The following PRELID2 variants were observed in gnomAD, a reference collection of about 807,000 sequenced individuals.
The protein encoded by PRELID2 is PRELI domain-containing protein 2.
In PRELID2, 25 loss-of-function variants were observed where a neutral mutation model predicts 28.4. The ratio of observed to expected loss-of-function variants is 0.88; its 90% CI spans 0.64 to 1.23. PRELID2 has a LOEUF of 1.23. Ranked by LOEUF, PRELID2 falls within the 50% of genes most tolerant of loss-of-function variation. The pLI, the probability that PRELID2 is intolerant of heterozygous loss-of-function variation, is 0.00. For missense variants in PRELID2, 201 were observed against 214.4 expected, an observed-to-expected ratio of 0.94 and a Z score of 0.39; for synonymous variants, 76 against 71.6, an observed-to-expected ratio of 1.06 and a Z score of -0.31.
chr5:145,494,510 A>G (rs1752292613), intron 1 of PRELID2, among the ~76,000 whole-genome samples: 1 of 152,330 alleles, frequency 6.6e-6, no homozygotes, highest in East Asian at 1.9e-4. Flanking sequence ...ATAGATGCAA[A>G]TCTTGACAAG....
At chr5:145,673,545 C>T (rs1191441593) in intron 1 of PRELID2, among the ~76,000 whole-genome samples, 1 of 151,984 alleles carries the variant, frequency 6.6e-6, no homozygotes, top group Non-Finnish European at 1.5e-5. Context: ...TATTGATGTA[C>T]ACACACCCCA....
At chr5:145,700,391 C>G (rs527708400) in intron 1 of PRELID2, among the ~76,000 whole-genome samples, 2 of 152,172 alleles carry the variant, frequency 1.3e-5, no homozygotes, top group Admixed American at 6.5e-5. Flanking sequence ...CTTTCCCCCC[C>G]ACCACTCTCA....
At chr5:145,556,491 A>G (rs1314025092) in intron 1 of PRELID2, among the ~76,000 whole-genome samples, 1 of 152,144 alleles carries the variant, frequency 6.6e-6, no homozygotes, top group Non-Finnish European at 1.5e-5. Context: ...ATTATCTGTT[A>G]TCCTAGATTA....
intron 1 of PRELID2, among the ~76,000 whole-genome samples, chr5:145,658,728 T>C (rs1754437501): frequency 1.3e-5 from 2 of 152,204 alleles, no homozygotes; most frequent in Admixed American, 6.5e-5. Context: ...TCCTGTACAG[T>C]CTGCAGAACC....
chr5:145,332,020 C>T, the PRELID2 span, among the ~76,000 whole-genome samples: 2 of 152,162 alleles, frequency 1.3e-5, no homozygotes, highest in Non-Finnish European at 2.9e-5. Context: ...ACTTCTCCTT[C>T]GCTTCTGAAG....
At chr5:145,395,818 T>G in the PRELID2 span, among the ~76,000 whole-genome samples, 89 of 152,226 alleles carry the variant, frequency 5.8e-4, no homozygotes, top group Middle Eastern at 3.4e-3. Context: ...TGGACCCCAG[T>G]TCCAGCTCAG....
At chr5:145,245,863 C>G in the PRELID2 span, among the ~76,000 whole-genome samples, 1 of 152,022 alleles carries the variant, frequency 6.6e-6, no homozygotes, top group Admixed American at 6.6e-5. Flanking sequence ...CTAGACTGTG[C>G]ATGTCAATGT....
chr5:145,457,450 A>G, the PRELID2 span, among the ~76,000 whole-genome samples: 1 of 152,298 alleles, frequency 6.6e-6, no homozygotes, highest in South Asian at 2.1e-4. Flanking sequence ...TTGCATTATA[A>G]TTCATTCCAG....
the PRELID2 span, among the ~76,000 whole-genome samples, chr5:145,261,696 C>A: frequency 6.6e-6 from 1 of 152,136 alleles, no homozygotes; most frequent in Admixed American, 6.5e-5. Flanking sequence ...GAACAGAAGC[C>A]CTTGAGCCCC....
In PRELID2 at chr5:145,759,393, G is replaced by A. The variant is rs767841005; in HGVS notation, c.*1143C>T. On this transcript the variant is annotated 3_prime_UTR_variant, in exon 7 of 7. Transcript: ENST00000683046. ...TATTTATATTTTGGCTTCTGATCAC[G>A]AGAAATGCAAACTACTGCCATCTAA... 10 of 152,082 alleles carry A rather than the reference G, an allele frequency of 6.6e-5. 1 individual carries two copies. Among genetic ancestry groups the A allele is most frequent in the South Asian group, 6.2e-4 (3 of 4,824 alleles). The allele number at this position is 152,082 out of a possible 1,614,324, so 9.4% of individuals were successfully genotyped here.
chr5:145,608,072 A>G (rs1194704388), intron 1 of PRELID2, among the ~76,000 whole-genome samples: 2 of 150,642 alleles, frequency 1.3e-5, no homozygotes, highest in East Asian at 1.9e-4. Context: ...TAAAATAGTA[A>G]ACCCTGCTTT....
the PRELID2 span, among the ~76,000 whole-genome samples, chr5:145,407,651 G>T: frequency 1.3e-5 from 2 of 152,142 alleles, no homozygotes; most frequent in African/African-American, 4.8e-5. Context: ...AACTCCTGTA[G>T]CTGCTGCTCT....
At chr5:145,331,756 T>C in the PRELID2 span, among the ~76,000 whole-genome samples, 1 of 152,186 alleles carries the variant, frequency 6.6e-6, no homozygotes, top group Admixed American at 6.5e-5. Context: ...ATTGGGGCAT[T>C]TAGCCCATTT....
chr5:145,358,419 G>A, the PRELID2 span, among the ~76,000 whole-genome samples: 2 of 152,028 alleles, frequency 1.3e-5, no homozygotes, highest in African/African-American at 4.8e-5. Flanking sequence ...GGTGGCTGGG[G>A]TCACCCGCCC....
At chr5:145,813,068 T>C (rs1466103695) in intron 4 of PRELID2, among the ~76,000 whole-genome samples, 4 of 152,334 alleles carry the variant, frequency 2.6e-5, no homozygotes, top group South Asian at 4.1e-4. Context: ...CATCTCTGAA[T>C]TGAGCCAACA....
At chr5:145,505,523 T>C (rs1461542187) in intron 1 of PRELID2, among the ~76,000 whole-genome samples, 1 of 152,208 alleles carries the variant, frequency 6.6e-6, no homozygotes, top group East Asian at 1.9e-4. Flanking sequence ...TGACAAACTA[T>C]ATTTTATTCT....
chr5:145,410,994 C>T, the PRELID2 span, among the ~76,000 whole-genome samples: 62,337 of 151,494 alleles, frequency 0.41, 13,194 homozygotes, highest in Admixed American at 0.49. Flanking sequence ...GTAAATACAC[C>T]CATTCCAAAT....
At chr5:145,546,142 T>C (rs894038939) in intron 1 of PRELID2, among the ~76,000 whole-genome samples, 1 of 152,154 alleles carries the variant, frequency 6.6e-6, no homozygotes, top group South Asian at 2.1e-4. Context: ...GTGTATGACA[T>C]TATTATCATT....
intron 1 of PRELID2, among the ~76,000 whole-genome samples, chr5:145,737,988 C>G (rs752598989): frequency 6.6e-6 from 1 of 152,138 alleles, no homozygotes; most frequent in Non-Finnish European, 1.5e-5. Context: ...AAGACTTTCC[C>G]CAAACCCATA....
Sources: gnomAD v4.1 joint callset for allele counts (sites outside exome capture counted in the v4.1 genomes callset) on GRCh38, gnomAD v4.1.1 for gene constraint, MANE v1.5 for transcripts, NCBI Gene and HGNC (gene_info 2026-07-23, HGNC 2026-07-21) for gene names.